NOX4: variants seen among roughly 807,000 people sequenced by gnomAD.
The protein encoded by NOX4 is NADPH oxidase 4.
A neutral mutation model predicts 87.6 loss-of-function variants in NOX4; 69 were observed. That is an observed-to-expected ratio of 0.79 (90% CI 0.65 to 0.96). NOX4 has a LOEUF of 0.96. Among genes scored for constraint, NOX4 ranks in the 40% least tolerant of loss-of-function variants. The pLI is 0.00. For missense variants in NOX4, 680 were observed against 681.5 expected (o/e 1.00, Z 0.02); for synonymous variants, 275 against 238.2 (o/e 1.15, Z -1.42).
At chr11:89,523,015 CT>C in the NOX4 span, among the ~76,000 whole-genome samples, 11 of 151,248 alleles carry the variant, frequency 7.3e-5, no homozygotes, top group Admixed American at 2.6e-4. Context: ...GTACAGAACG[CT>C]TTTTTTTTCT....
At position 89,348,422 on chromosome 11, in the gene NOX4, C is replaced by CAA. The variant is rs76284877; in HGVS notation, c.1218-6231_1218-6230dup. On this transcript the variant is annotated intron_variant, in intron 13 of 17. Transcript: ENST00000263317. ...AGAGTAAGACTCCATCTCAAAAAAA[C>CAA]AAAAAAAAACCTATGTCTCTAAAAA... Among the ~76,000 whole-genome samples, 11 of 146,718 alleles carry CAA rather than the reference C, an allele frequency of 7.5e-5. 1 individual carries two copies. In the South Asian group the frequency reaches 1.7e-3, roughly 23 times the overall value.
chr11:89,586,662 T>A, the NOX4 span, among the ~76,000 whole-genome samples: 1 of 152,132 alleles, frequency 6.6e-6, no homozygotes, highest in Non-Finnish European at 1.5e-5. Flanking sequence ...CAATGCAACA[T>A]CAGGTAATAA....
the NOX4 span, among the ~76,000 whole-genome samples, chr11:89,568,963 T>C: frequency 1.3e-5 from 2 of 152,180 alleles, no homozygotes; most frequent in Non-Finnish European, 2.9e-5. Flanking sequence ...GCTAGCCATA[T>C]GCAGAGGATT....
intron 1 of NOX4, chr11:89,497,891 A>G (rs1946975482): frequency 6.6e-6 from 1 of 152,178 alleles, no homozygotes; most frequent in Non-Finnish European, 1.5e-5. Context: ...TTTTACACTA[A>G]TATGATATTC....
chr11:89,388,556 T>G (rs1248253522), intron 11 of NOX4, among the ~76,000 whole-genome samples: 3 of 152,144 alleles, frequency 2.0e-5, no homozygotes, highest in Non-Finnish European at 4.4e-5. Context: ...TGCCTTGCCT[T>G]TTTAGTCAAT....
the NOX4 span, among the ~76,000 whole-genome samples, chr11:89,517,212 G>C: frequency 2.2e-4 from 33 of 151,870 alleles, no homozygotes; most frequent in South Asian, 2.1e-4. Context: ...TTTCTAACAA[G>C]GACCTTTTTC....
chr11:89,578,277 T>C, the NOX4 span, among the ~76,000 whole-genome samples: 3 of 151,894 alleles, frequency 2.0e-5, no homozygotes, highest in Admixed American at 1.3e-4. Context: ...TTCACCTGCC[T>C]CAGCTTCCTG....
the NOX4 span, among the ~76,000 whole-genome samples, chr11:89,514,636 C>A: frequency 1.1e-4 from 16 of 151,666 alleles, no homozygotes; most frequent in African/African-American, 3.9e-4. Context: ...TTCATAGGTG[C>A]CCTTAAGTTG....
At chr11:89,577,359 A>G in the NOX4 span, 1 of 152,196 alleles carries the variant, frequency 6.6e-6, no homozygotes, top group South Asian at 2.1e-4. Context: ...TATCTAATGT[A>G]TGAGCCAATT....
intron 7 of NOX4, among the ~76,000 whole-genome samples, chr11:89,429,379 C>T (rs1220732353): frequency 6.6e-6 from 1 of 151,722 alleles, no homozygotes; most frequent in Non-Finnish European, 1.5e-5. Flanking sequence ...CTGAAGGAGA[C>T]AGAGACACAA....
the NOX4 span, among the ~76,000 whole-genome samples, chr11:89,540,042 A>G: frequency 6.6e-6 from 1 of 152,180 alleles, no homozygotes; most frequent in African/African-American, 2.4e-5. Flanking sequence ...AGAACAGATT[A>G]GGCACCTCAA....
At chr11:89,365,516 A>G (rs1195150066) in intron 12 of NOX4, among the ~76,000 whole-genome samples, 1 of 151,912 alleles carries the variant, frequency 6.6e-6, no homozygotes, top group Non-Finnish European at 1.5e-5. Flanking sequence ...GGGTAAACAC[A>G]TTATTGCTAC....
chr11:89,357,255 T>C (rs893409480), intron 12 of NOX4, among the ~76,000 whole-genome samples: 24 of 152,066 alleles, frequency 1.6e-4, no homozygotes, highest in African/African-American at 5.3e-4. Flanking sequence ...TCTTACAACA[T>C]AGATGAGGAG....
At chr11:89,467,030 G>T (rs947594494) in intron 2 of NOX4, among the ~76,000 whole-genome samples, 1 of 151,996 alleles carries the variant, frequency 6.6e-6, no homozygotes, top group South Asian at 2.1e-4. Context: ...GGGGGAGCTC[G>T]CTGGACTTTG....
At chr11:89,552,081 A>C in the NOX4 span, among the ~76,000 whole-genome samples, 1 of 152,174 alleles carries the variant, frequency 6.6e-6, no homozygotes, top group Admixed American at 6.5e-5. Context: ...TCTTTTCCAG[A>C]TCTTTCTTAT....
chr11:89,503,762 G>T, the NOX4 span, among the ~76,000 whole-genome samples: 1 of 150,204 alleles, frequency 6.7e-6, no homozygotes, highest in Non-Finnish European at 1.5e-5. Flanking sequence ...GTATTTTCTG[G>T]TTCTAGAGTT....
At chr11:89,344,382 G>T (rs1946127575) in intron 13 of NOX4, among the ~76,000 whole-genome samples, 1 of 151,962 alleles carries the variant, frequency 6.6e-6, no homozygotes, top group Admixed American at 6.6e-5. Flanking sequence ...GCAACAAAAT[G>T]AGACCCTTGT....
At chr11:89,382,366 A>G (rs995267901) in intron 11 of NOX4, among the ~76,000 whole-genome samples, 2 of 152,080 alleles carry the variant, frequency 1.3e-5, no homozygotes, top group Non-Finnish European at 2.9e-5. Flanking sequence ...AAACTCGACA[A>G]TAGTTCCAAA....
At chr11:89,491,077 C>G in intron 1 of NOX4, 113 bp downstream of exon 1, 1 of 1,075,076 alleles carries the variant, frequency 9.3e-7, no homozygotes, top group Middle Eastern at 2.0e-4. Context: ...TGAGAATGTT[C>G]GAATTAAGAC....
Sources: allele counts gnomAD v4.1 joint callset (sites outside exome capture counted in the v4.1 genomes callset), GRCh38; gene constraint gnomAD v4.1.1; transcripts MANE v1.5; gene names NCBI Gene and HGNC (gene_info 2026-07-23, HGNC 2026-07-21).